OXR1: variants seen among roughly 807,000 people sequenced by gnomAD.
OXR1 encodes the protein oxidation resistance 1.
OXR1 carries 41 observed loss-of-function variants against 104.6 expected under a neutral mutation model. The ratio of observed to expected loss-of-function variants is 0.39; its 90% CI spans 0.31 to 0.51. The LOEUF is 0.51. Among genes scored for constraint, OXR1 ranks in the 20% least tolerant of loss-of-function variants. The pLI is 0.77. For synonymous variants in OXR1, 348 were observed against 348.4 expected (o/e 1.00, Z 0.01); for missense variants, 955 against 1,031.9 (o/e 0.93, Z 1.02).
At chr8:106,672,913 C>T (rs1463426886) in intron 3 of OXR1, among the ~76,000 whole-genome samples, 1 of 152,264 alleles carries the variant, frequency 6.6e-6, no homozygotes, top group African/African-American at 2.4e-5. Flanking sequence ...GCCTCTCCAC[C>T]CATGCAGAAC....
rs1811742870 is a variant in OXR1, at chr8:106,270,374, T to C, written c.-139+7T>C. On this transcript the variant is annotated splice_region_variant and intron_variant, in intron 1 of 16. Transcript: ENST00000517566. The stretch of plus-strand genomic sequence containing the variant: ...CCCTCCTGGCGACCCGCAAGTAAGT[T>C]TGTGAGGCTGCTGGGCGTTAGGGCG... 6.6e-6 allele frequency: 1 copy of C among 152,242 alleles called. No individual in the cohort carries two copies. Among genetic ancestry groups the C allele is most frequent in the Admixed American group, 6.6e-5 (1 of 15,266 alleles). The allele number at this position is 152,242 out of a possible 1,614,324, so 9.4% of individuals were successfully genotyped here.
At chr8:106,446,278 C>G (rs1365270502) in intron 2 of OXR1, among the ~76,000 whole-genome samples, 1 of 152,150 alleles carries the variant, frequency 6.6e-6, no homozygotes, top group Non-Finnish European at 1.5e-5. Context: ...TGGGGCTATC[C>G]TGTTTCATTA....
intron 1 of OXR1, among the ~76,000 whole-genome samples, chr8:106,291,295 GAGAA>G (rs1156236222): frequency 6.6e-6 from 1 of 152,152 alleles, no homozygotes; most frequent in Non-Finnish European, 1.5e-5. Context: ...GAGGGGGAAA[GAGAA>G]AGGAAGATGT....
intron 4 of OXR1, among the ~76,000 whole-genome samples, chr8:106,679,759 T>C (rs1212376255): frequency 7.1e-6 from 1 of 140,578 alleles, no homozygotes; most frequent in Non-Finnish European, 1.6e-5. Flanking sequence ...AACATTGAGC[T>C]TTTTTTTTTT....
intron 3 of OXR1, among the ~76,000 whole-genome samples, chr8:106,578,987 C>CTTTTTTT (rs71307073): frequency 7.3e-6 from 1 of 137,910 alleles, no homozygotes; most frequent in African/African-American, 2.7e-5. Flanking sequence ...CTTTTTCTTT[C>CTTTTTTT]TTTTTTTTTT....
chr8:106,710,680 A>G lies in OXR1; in HGVS notation c.1683A>G (p.Arg561=), dbSNP rs1025967969. 1.0e-5 allele frequency: 16 copies of G among 1,604,462 alleles called. No homozygotes were observed. In the African/African-American group the frequency reaches 1.6e-4, roughly 16 times the overall value. ...GATTACATAAGTTCTTGTGTCTCAG[A>G]GTTGGAAAACCAATGAGGAAAACGT... ...RHRLHKFLCL[R]VGKPMRKTFV... Residue 561 remains arginine, a synonymous_variant, in exon 10 of 17, where the codon AGA becomes AGG. Transcript: ENST00000517566.
At chr8:106,618,503 C>T (rs1821425354) in intron 3 of OXR1, among the ~76,000 whole-genome samples, 1 of 152,212 alleles carries the variant, frequency 6.6e-6, no homozygotes, top group Non-Finnish European at 1.5e-5. Flanking sequence ...TAAGTACTCC[C>T]AGAAATAGAT....
At chr8:106,678,749 C>A (rs1164402155) in intron 3 of OXR1, among the ~76,000 whole-genome samples, 2 of 151,850 alleles carry the variant, frequency 1.3e-5, no homozygotes, top group Non-Finnish European at 2.9e-5. Flanking sequence ...ATAATTTAAT[C>A]CCATAGAGAA....
intron 11 of OXR1, among the ~76,000 whole-genome samples, chr8:106,721,576 A>G (rs1020071616): frequency 2.6e-5 from 4 of 152,162 alleles, no homozygotes; most frequent in Non-Finnish European, 1.5e-5. Flanking sequence ...CATTCTGTAC[A>G]GTTTTGGGGT....
chr8:106,312,603 G>GCTCC (rs1437288426), intron 1 of OXR1, among the ~76,000 whole-genome samples: 1 of 152,162 alleles, frequency 6.6e-6, no homozygotes, highest in Non-Finnish European at 1.5e-5. Context: ...GTTTACTCAG[G>GCTCC]CTCCCTCACT....
intron 3 of OXR1, among the ~76,000 whole-genome samples, chr8:106,545,383 A>G (rs189819744): frequency 1.6e-4 from 24 of 152,358 alleles, no homozygotes; most frequent in Non-Finnish European, 3.2e-4. Flanking sequence ...ATAACTATCA[A>G]TAACAAGTTA....
At chr8:106,405,126 C>G (rs1818163538) in intron 2 of OXR1, among the ~76,000 whole-genome samples, 1 of 123,428 alleles carries the variant, frequency 8.1e-6, no homozygotes, top group Non-Finnish European at 1.7e-5. Context: ...GATTAGAGAG[C>G]CAATTCAGAA....
intron 2 of OXR1, among the ~76,000 whole-genome samples, chr8:106,422,645 A>T (rs1270701110): frequency 6.6e-6 from 1 of 152,182 alleles, no homozygotes; most frequent in East Asian, 1.9e-4. Flanking sequence ...CAGAGTTCAT[A>T]CGGACCCTTA....
chr8:106,290,961 A>C (rs1411925276), intron 1 of OXR1, among the ~76,000 whole-genome samples: 1 of 152,170 alleles, frequency 6.6e-6, no homozygotes, highest in African/African-American at 2.4e-5. Context: ...CCAAAAGAAA[A>C]TAGATCATTC....
chr8:106,298,858 G>A (rs955557546), intron 1 of OXR1, among the ~76,000 whole-genome samples: 9 of 151,992 alleles, frequency 5.9e-5, no homozygotes, highest in African/African-American at 2.2e-4. Context: ...ATTGAAACAC[G>A]TTCTTTTCTT....
intron 2 of OXR1, among the ~76,000 whole-genome samples, chr8:106,504,645 C>T (rs141972241): frequency 2.8e-4 from 43 of 152,176 alleles, no homozygotes; most frequent in Non-Finnish European, 8.8e-5. Flanking sequence ...GGCTTCCCAA[C>T]AGATGTAAAA....
intron 3 of OXR1, among the ~76,000 whole-genome samples, chr8:106,584,208 A>G (rs897256383): frequency 6.6e-6 from 1 of 152,036 alleles, no homozygotes; most frequent in Non-Finnish European, 1.5e-5. Context: ...TGAAAGTAGA[A>G]AAGAGATGAA....
Position 106,359,533 on chromosome 8 carries a change from A to G in OXR1, c.-81A>G. 1 of 1,078,018 alleles carries G rather than the reference A, an allele frequency of 9.3e-7. No individual in the cohort carries two copies. The highest frequency in any genetic ancestry group is 1.4e-6 in the Non-Finnish European group (1 of 714,960). 66.8% of individuals were successfully genotyped at this position (1,078,018 alleles called of 1,614,324 possible). Reference sequence around the variant, plus strand: ...GTGCATCATTCCAGAAGCAAAGCTAAAATTTTTAGCGGTGTTGTCGACTTG... The same window carrying G: ...GTGCATCATTCCAGAAGCAAAGCTAGAATTTTTAGCGGTGTTGTCGACTTG... On this transcript the variant is annotated 5_prime_UTR_variant, in exon 2 of 17. Transcript: ENST00000517566.
At chr8:106,530,747 A>C (rs1322739878) in intron 3 of OXR1, among the ~76,000 whole-genome samples, 1 of 152,232 alleles carries the variant, frequency 6.6e-6, no homozygotes, top group African/African-American at 2.4e-5. Context: ...GCAAGCTATT[A>C]GTAAACAGCT....
Sources: gnomAD v4.1 joint callset for allele counts (sites outside exome capture counted in the v4.1 genomes callset) on GRCh38, gnomAD v4.1.1 for gene constraint, MANE v1.5 for transcripts, NCBI Gene and HGNC (gene_info 2026-07-23, HGNC 2026-07-21) for gene names.